GRIA1: variants seen among roughly 807,000 people sequenced by gnomAD.
GRIA1 encodes glutamate receptor 1.
A neutral mutation model predicts 99.2 loss-of-function variants in GRIA1; 31 were observed. The ratio of observed to expected loss-of-function variants is 0.31; its 90% CI spans 0.23 to 0.42. The LOEUF is 0.42. Among genes scored for constraint, GRIA1 ranks in the 10% least tolerant of loss-of-function variants. The pLI is 1.00. For synonymous variants in GRIA1, 438 were observed against 432.4 expected, an observed-to-expected ratio of 1.01 and a Z score of -0.16; for missense variants, 782 against 1,157.5, an observed-to-expected ratio of 0.68 and a Z score of 4.71.
chr5:153,574,055 G>A (rs1474124784), intron 2 of GRIA1, among the ~76,000 whole-genome samples: 1 of 152,212 alleles, frequency 6.6e-6, no homozygotes, highest in Non-Finnish European at 1.5e-5. Context: ...CAAGTGATGT[G>A]CAGAGAGGCA....
intron 14 of GRIA1, among the ~76,000 whole-genome samples, chr5:153,801,857 A>T (rs1234918852): frequency 6.7e-6 from 1 of 149,194 alleles, no homozygotes; most frequent in Non-Finnish European, 1.5e-5. Flanking sequence ...CATCTAGGGG[A>T]AAGTTCATTG....
At chr5:153,645,843 A>G (rs1754111485) in intron 2 of GRIA1, among the ~76,000 whole-genome samples, 1 of 152,214 alleles carries the variant, frequency 6.6e-6, no homozygotes, top group African/African-American at 2.4e-5. Context: ...CAAGGATGTG[A>G]TGAGGACTAA....
At chr5:153,596,860 A>G (rs1056389662) in intron 2 of GRIA1, among the ~76,000 whole-genome samples, 1 of 152,184 alleles carries the variant, frequency 6.6e-6, no homozygotes, top group Admixed American at 6.5e-5. Flanking sequence ...TTAATGAAAA[A>G]TCATATTTGT....
intron 12 of GRIA1, among the ~76,000 whole-genome samples, chr5:153,769,538 C>T (rs543701489): frequency 8.5e-5 from 13 of 152,062 alleles, no homozygotes; most frequent in African/African-American, 1.9e-4. Flanking sequence ...GGGGGAAATA[C>T]GGAAGGCAGG....
At chr5:153,778,710 A>G (rs1408114445) in intron 13 of GRIA1, among the ~76,000 whole-genome samples, 1 of 151,786 alleles carries the variant, frequency 6.6e-6, no homozygotes, top group Non-Finnish European at 1.5e-5. Flanking sequence ...CACAAATAGC[A>G]TTGGTCCTGC....
rs531706550 is a variant in GRIA1 at position 153,770,238 on chromosome 5, G to A, written c.2093G>A (p.Arg698Gln). 5.7e-5 allele frequency: 92 copies of A among 1,613,854 alleles called. No individual in the cohort carries two copies. Among genetic ancestry groups the A allele is most frequent in the South Asian group, 3.7e-4 (34 of 91,072 alleles). ...TCAGCAGAGCCATCAGTTTTTGTGC[G>A]GACCACAGAGGAGGGGATGATTCGA... is the stretch of plus-strand genomic sequence containing the variant. ...MKSAEPSVFV[R>Q]TTEEGMIRVR... The change falls in exon 13 of 16, where the codon CGG becomes CAG. Residue 698 changes from arginine to glutamine, a missense_variant. Around this residue, in one of 5 missense-constraint regions of GRIA1, gnomAD observed 119 missense variants for 326.6 expected, o/e 0.36. Transcript: ENST00000285900.
intron 2 of GRIA1, among the ~76,000 whole-genome samples, chr5:153,594,783 G>A (rs1254605669): frequency 6.6e-6 from 1 of 151,598 alleles, no homozygotes; most frequent in Admixed American, 6.6e-5. Context: ...TAAATACTTT[G>A]TCTTCTTCAG....
At chr5:153,513,548 G>T (rs1369297089) in intron 2 of GRIA1, among the ~76,000 whole-genome samples, 5 of 152,136 alleles carry the variant, frequency 3.3e-5, no homozygotes, top group Non-Finnish European at 7.3e-5. Flanking sequence ...CCACAGTGAA[G>T]TCCAGAGAAA....
chr5:153,581,580 C>G (rs180828841), intron 2 of GRIA1, among the ~76,000 whole-genome samples: 1 of 152,136 alleles, frequency 6.6e-6, no homozygotes, highest in Non-Finnish European at 1.5e-5. Flanking sequence ...CACATCGAGT[C>G]TCAGCCCAGC....
At chr5:153,565,903 T>C (rs1383809265) in intron 2 of GRIA1, among the ~76,000 whole-genome samples, 1 of 152,206 alleles carries the variant, frequency 6.6e-6, no homozygotes, top group African/African-American at 2.4e-5. Context: ...GTTTTTACTT[T>C]TTGACTACTA....
intron 10 of GRIA1, among the ~76,000 whole-genome samples, chr5:153,704,205 G>T (rs1169381080): frequency 6.6e-6 from 1 of 152,236 alleles, no homozygotes; most frequent in Non-Finnish European, 1.5e-5. Context: ...ACAGCCAACT[G>T]GTGGGTGGTC....
chr5:153,514,826 A>T (rs182336928), intron 2 of GRIA1, among the ~76,000 whole-genome samples: 3 of 152,336 alleles, frequency 2.0e-5, no homozygotes, highest in South Asian at 2.1e-4. Context: ...AAGAAAGCAT[A>T]CAATAATGGA....
rs553703770 is a variant in GRIA1, at chr5:153,516,800, T to C, written c.220+22735T>C. The stretch of plus-strand genomic sequence containing the variant: ...GGCTGATGGATCCTCCCTGAACTGG[T>C]GCCTCAGCGTTCCCATGCCAACTGA... On this transcript the variant is annotated intron_variant, in intron 2 of 15. Coordinates refer to ENST00000285900, the MANE Select transcript of GRIA1 (RefSeq NM_000827.4). Among the ~76,000 whole-genome samples, 285 of 152,080 alleles carry C rather than the reference T, an allele frequency of 1.9e-3. 3 individuals are homozygous for C. Among genetic ancestry groups the C allele is most frequent in the African/African-American group, 6.4e-3 (266 of 41,482 alleles).
chr5:153,499,647 A>C (rs550614653), intron 2 of GRIA1, among the ~76,000 whole-genome samples: 1 of 149,100 alleles, frequency 6.7e-6, no homozygotes, highest in Admixed American at 6.7e-5. Context: ...AAAACTATGA[A>C]TATATGGACA....
intron 11 of GRIA1, among the ~76,000 whole-genome samples, chr5:153,716,080 G>A (rs1010535412): frequency 1.3e-5 from 2 of 152,212 alleles, no homozygotes; most frequent in African/African-American, 4.8e-5. Context: ...GGAAAGCTCT[G>A]ATCTCTTTGC....
chr5:153,500,876 T>C (rs1478387340), intron 2 of GRIA1, among the ~76,000 whole-genome samples: 1 of 152,154 alleles, frequency 6.6e-6, no homozygotes, highest in Non-Finnish European at 1.5e-5. Context: ...ATTCAAATGC[T>C]GGACTACCTT....
intron 6 of GRIA1, among the ~76,000 whole-genome samples, chr5:153,675,581 A>G (rs979461113): frequency 6.6e-6 from 1 of 152,264 alleles, no homozygotes; most frequent in African/African-American, 2.4e-5. Flanking sequence ...TTATCTGGAC[A>G]AACAGTGAAT....
chr5:153,791,036 T>C (rs1041738441), intron 13 of GRIA1, among the ~76,000 whole-genome samples: 1 of 152,160 alleles, frequency 6.6e-6, no homozygotes, highest in Admixed American at 6.5e-5. Flanking sequence ...TGGATTAGAA[T>C]ACAGTGAATC....
Position 153,688,866 on chromosome 5 carries a change from C to T in GRIA1, c.1134+2537C>T, listed in dbSNP as rs552416928. Among the ~76,000 whole-genome samples, 4 of 151,988 alleles carry T rather than the reference C, an allele frequency of 2.6e-5. No individual in the cohort carries two copies. The South Asian group carries it at 8.3e-4, about 32-fold the overall frequency. On this transcript the variant is annotated intron_variant, in intron 8 of 15. Transcript: ENST00000285900. ...TCCCGAGTGGTTGGGATTATAGGTGCCCATCACCACACCTGGCTAATTTTT... is the reference window on the plus strand; with the variant it reads ...TCCCGAGTGGTTGGGATTATAGGTGTCCATCACCACACCTGGCTAATTTTT...
Sources: gnomAD v4.1 joint callset for allele counts (sites outside exome capture counted in the v4.1 genomes callset) on GRCh38, gnomAD v4.1.1 for gene constraint, gnomAD v4.1.1 regional missense constraint, MANE v1.5 for transcripts, NCBI Gene and HGNC (gene_info 2026-07-23, HGNC 2026-07-21) for gene names.